Variants in WWOX observed in about 807,000 individuals in gnomAD.
WWOX encodes the protein WW domain containing oxidoreductase.
A neutral mutation model predicts 46.2 loss-of-function variants in WWOX; 69 were observed. That is an observed-to-expected ratio of 1.49 (90% CI 1.23 to 1.82). WWOX has a LOEUF of 1.82. Ranked by LOEUF, WWOX falls within the 40% of genes most tolerant of loss-of-function variation. The pLI, the probability that WWOX is intolerant of heterozygous loss-of-function variation, is 0.00. For synonymous variants in WWOX, 359 were observed against 202.6 expected (o/e 1.77, Z -6.56); for missense variants, 919 against 542.6 (o/e 1.69, Z -6.89).
intron 8 of WWOX, chr16:78,535,611 C>T (rs2043739901): frequency 6.6e-6 from 1 of 152,158 alleles, no homozygotes; most frequent in African/African-American, 2.4e-5. Flanking sequence ...AAGAAGGCCT[C>T]CCTTGGCTGA....
At chr16:79,048,811 C>T (rs1021573118) in intron 8 of WWOX, among the ~76,000 whole-genome samples, 2 of 152,190 alleles carry the variant, frequency 1.3e-5, no homozygotes, top group African/African-American at 4.8e-5. Context: ...AAGTGCCACA[C>T]AGTGGTCACC....
intron 8 of WWOX, among the ~76,000 whole-genome samples, chr16:79,124,067 T>C (rs1016047800): frequency 6.6e-6 from 1 of 151,824 alleles, no homozygotes; most frequent in African/African-American, 2.4e-5. Context: ...AAGTGTGGAC[T>C]CGGAGCACTC....
Position 79,120,312 on chromosome 16 carries a change from C to T in WWOX, c.1057-91296C>T, listed in dbSNP as rs577620660. On this transcript the variant is annotated intron_variant, in intron 8 of 8. Transcript: ENST00000566780. Reference sequence around the variant, plus strand: ...GAGTCATTCTCAAGGTATGCTCAAGCTATTGCTGTCAGGCGCATTTACCCT... The same window carrying T: ...GAGTCATTCTCAAGGTATGCTCAAGTTATTGCTGTCAGGCGCATTTACCCT... Among the ~76,000 whole-genome samples the T allele has an allele frequency of 5.9e-4, 90 of 152,284 alleles. 1 individual carries two copies. Among genetic ancestry groups the T allele is most frequent in the African/African-American group, 2.1e-3 (89 of 41,560 alleles).
intron 5 of WWOX, chr16:78,168,137 C>T (rs1307102438): frequency 6.6e-6 from 1 of 152,180 alleles, no homozygotes; most frequent in Non-Finnish European, 1.5e-5. Flanking sequence ...CCATTTGGCT[C>T]AGCGGAGGCT....
rs551869904 is a variant in WWOX at position 78,544,244 on chromosome 16, G to A, written c.1056+111492G>A. On this transcript the variant is annotated intron_variant, in intron 8 of 8. Transcript: ENST00000566780. ...ACTAATATTCTCTCTGACTATAATT[G>A]TAAAACAGTAGATGTCTTTCACCAA... Among the ~76,000 whole-genome samples, 346 of 152,302 alleles carry A rather than the reference G, an allele frequency of 2.3e-3. 3 individuals are homozygous for A. The highest frequency in any genetic ancestry group is 4.0e-3 in the Non-Finnish European group (269 of 68,016).
chr16:78,922,984 C>CTT (rs752169332), intron 8 of WWOX, among the ~76,000 whole-genome samples: 12 of 141,558 alleles, frequency 8.5e-5, no homozygotes, highest in African/African-American at 2.3e-4. Flanking sequence ...TTTCTCTTTT[C>CTT]TTTTTTTTTT....
intron 8 of WWOX, among the ~76,000 whole-genome samples, chr16:78,999,826 G>T (rs943284497): frequency 2.0e-5 from 3 of 152,062 alleles, no homozygotes; most frequent in East Asian, 1.9e-4. Flanking sequence ...ATATATGCGT[G>T]TAAGAAATTG....
intron 8 of WWOX, among the ~76,000 whole-genome samples, chr16:79,017,816 C>G (rs1046828535): frequency 6.6e-6 from 1 of 151,962 alleles, no homozygotes; most frequent in Non-Finnish European, 1.5e-5. Flanking sequence ...TACAGATTAT[C>G]CAGAACAGGT....
At chr16:78,706,168 C>T (rs1004357500) in intron 8 of WWOX, among the ~76,000 whole-genome samples, 2 of 148,774 alleles carry the variant, frequency 1.3e-5, no homozygotes, top group African/African-American at 5.0e-5. Context: ...TCTTATCAAG[C>T]CCCCTATTTA....
At chr16:78,777,325 T>G (rs1187719607) in intron 8 of WWOX, among the ~76,000 whole-genome samples, 1 of 152,198 alleles carries the variant, frequency 6.6e-6, no homozygotes, top group African/African-American at 2.4e-5. Flanking sequence ...CTGATGATGT[T>G]GTCCAGGACA....
At chr16:78,935,382 A>C (rs1439020265) in intron 8 of WWOX, among the ~76,000 whole-genome samples, 1 of 152,230 alleles carries the variant, frequency 6.6e-6, no homozygotes, top group Non-Finnish European at 1.5e-5. Context: ...AGACTGGATT[A>C]AGAAAATGTG....
At chr16:78,908,621 C>G (rs981463172) in intron 8 of WWOX, among the ~76,000 whole-genome samples, 3 of 151,858 alleles carry the variant, frequency 2.0e-5, no homozygotes, top group South Asian at 2.1e-4. Flanking sequence ...ATAAGTCTCC[C>G]CCAAAACTCA....
At chr16:78,694,130 G>A (rs981234023) in intron 8 of WWOX, among the ~76,000 whole-genome samples, 1 of 152,080 alleles carries the variant, frequency 6.6e-6, no homozygotes, top group African/African-American at 2.4e-5. Flanking sequence ...TACTCTGTAG[G>A]CTGAGGCAGG....
chr16:78,244,824 C>G (rs2037766429), intron 5 of WWOX, among the ~76,000 whole-genome samples: 1 of 152,112 alleles, frequency 6.6e-6, no homozygotes, highest in Non-Finnish European at 1.5e-5. Flanking sequence ...GTTTTCTTTC[C>G]CCCTTGGAGT....
intron 8 of WWOX, among the ~76,000 whole-genome samples, chr16:78,603,218 T>C (rs1567428904): frequency 6.6e-6 from 1 of 152,184 alleles, no homozygotes; most frequent in Non-Finnish European, 1.5e-5. Context: ...CCAATATCAT[T>C]TTCATGGCAC....
intron 8 of WWOX, among the ~76,000 whole-genome samples, chr16:78,823,147 C>G (rs528480606): frequency 1.3e-5 from 2 of 152,210 alleles, no homozygotes; most frequent in East Asian, 1.9e-4. Flanking sequence ...AATTAATACT[C>G]CGGCCTTTCA....
At chr16:78,982,181 C>T (rs1053983838) in intron 8 of WWOX, among the ~76,000 whole-genome samples, 4 of 152,190 alleles carry the variant, frequency 2.6e-5, no homozygotes, top group Non-Finnish European at 5.9e-5. Context: ...CGACCCCAAA[C>T]AGCCTCTTTC....
chr16:78,187,951 A>G (rs35777566), intron 5 of WWOX, among the ~76,000 whole-genome samples: 9,180 of 152,252 alleles, frequency 0.06, 353 homozygotes, highest in Middle Eastern at 0.099. Flanking sequence ...TTCCATTTCC[A>G]TTAGGTATTA....
At position 78,830,259 on chromosome 16, in the gene WWOX, G is replaced by C. The variant is rs184161330; in HGVS notation, c.1057-381349G>C. Among the ~76,000 whole-genome samples the C allele has an allele frequency of 2.0e-5, 3 of 152,136 alleles. No homozygotes were observed. The East Asian group carries it at 5.8e-4, about 29-fold the overall frequency. ...TTTGCATCTGAATGATATTTATATG[G>C]GGTTATTGTCCTCCCTTTGTGTATG... On this transcript the variant is annotated intron_variant, in intron 8 of 8. Coordinates refer to ENST00000566780, the MANE Select transcript of WWOX (RefSeq NM_016373.4).
Sources: allele counts gnomAD v4.1 joint callset (sites outside exome capture counted in the v4.1 genomes callset), GRCh38; gene constraint gnomAD v4.1.1; transcripts MANE v1.5; gene names NCBI Gene and HGNC (gene_info 2026-07-23, HGNC 2026-07-21).